The following HES2 variants were observed in gnomAD, a reference collection of about 807,000 sequenced individuals.
The protein encoded by HES2 is transcription factor HES-2.
HES2 carries 11 observed loss-of-function variants against 11.9 expected under a neutral mutation model. The observed-to-expected ratio is 0.92, with a 90% CI of 0.58 to 1.53. The LOEUF is 1.53. Ranked by LOEUF, HES2 falls within the 40% of genes most tolerant of loss-of-function variation. The probability of loss-of-function intolerance (pLI) is 0.00; values close to 1 mark genes in which losing one functional copy is unlikely to be tolerated. For synonymous variants in HES2, 125 were observed against 122.8 expected, an observed-to-expected ratio of 1.02 and a Z score of -0.12; for missense variants, 260 against 253.8, an observed-to-expected ratio of 1.02 and a Z score of -0.16.
chr1:6,417,291 A>G lies in HES2; in HGVS notation c.*1582T>C. 6.6e-6 allele frequency: 1 copy of G among 152,254 alleles called. No homozygotes were observed. The highest frequency in any genetic ancestry group is 2.1e-4 in the South Asian group (1 of 4,830). The allele number at this position is 152,254 out of a possible 1,614,324, so 9.4% of individuals were successfully genotyped here. Reference sequence around the variant, plus strand: ...CAAGGTCATCATGGGCTTGTGTGGCACAGTCAGATTTAGTGACCATCCCCA... The same window carrying G: ...CAAGGTCATCATGGGCTTGTGTGGCGCAGTCAGATTTAGTGACCATCCCCA... On this transcript the variant is annotated 3_prime_UTR_variant, in exon 4 of 4. Transcript: ENST00000377834.
In HES2 at chr1:6,419,609, C is replaced by A. The variant is rs758546402; in HGVS notation, c.139G>T (p.Glu47Ter). Reference sequence around the variant, plus strand: ...GCCCTCCGCCCGGGCGCGCTCACCTCCCGGCCCAGCAGCGGCAGGATGAGC... The same window carrying A: ...GCCCTCCGCCCGGGCGCGCTCACCTACCGGCCCAGCAGCGGCAGGATGAGC... ...KGLILPLLGR[E>*]NSNCSKLEKA... The change falls in exon 2 of 4, where the codon GAG becomes TAG. Residue 47 changes from glutamate (E) to a stop codon, truncating the protein, a stop_gained and splice_region_variant. Transcript: ENST00000377834. LOFTEE classifies it high-confidence loss of function. The surrounding 1 kb of genome is among the most constrained non-coding windows in gnomAD (Gnocchi z 8.1). The A allele has an allele frequency of 2.0e-6, 3 of 1,535,878 alleles. No individual in the cohort carries two copies. The East Asian group carries it at 7.5e-5, about 38-fold the overall frequency.
At position 6,415,517 on chromosome 1, in the gene HES2, C is replaced by T. The variant is rs981953747; in HGVS notation, c.*3356G>A. On this transcript the variant is annotated 3_prime_UTR_variant, in exon 4 of 4. Transcript: ENST00000377834. ...CCCACAGGACACTCAGGATCCCAGA[C>T]TGCAGGAGTCGTCTGGGATCACAGG... The T allele has an allele frequency of 1.3e-5, 2 of 151,838 alleles. No individual in the cohort carries two copies. The highest frequency in any genetic ancestry group is 4.8e-5 in the African/African-American group (2 of 41,314). 9.4% of individuals were successfully genotyped at this position (151,838 alleles called of 1,614,324 possible).
rs1019392004 is a variant in HES2 at position 6,418,607 on chromosome 1, C to T, written c.*266G>A. 5.3e-6 allele frequency: 2 copies of T among 378,932 alleles called. No homozygotes were observed. The highest frequency in any genetic ancestry group is 9.3e-6 in the Non-Finnish European group (2 of 214,536). The allele number at this position is 378,932 out of a possible 1,614,324, so 23.5% of individuals were successfully genotyped here. On this transcript the variant is annotated 3_prime_UTR_variant, in exon 4 of 4. Coordinates refer to ENST00000377834, the MANE Select transcript of HES2 (RefSeq NM_019089.5). ...TATCTCCACCAGCTGGGATGGGGGG[C>T]TTCTTCTTCACCCTGCTGCCTCTTG...
At position 6,418,631 on chromosome 1, in the gene HES2, T is replaced by C. The variant is rs1557684973; in HGVS notation, c.*242A>G. ...GCTTCTTCTTCACCCTGCTGCCTCTTGTCCTTTCTTCTCCAGCCAAGTTGG... is the reference window on the plus strand; with the variant it reads ...GCTTCTTCTTCACCCTGCTGCCTCTCGTCCTTTCTTCTCCAGCCAAGTTGG... On this transcript the variant is annotated 3_prime_UTR_variant, in exon 4 of 4. Coordinates refer to ENST00000377834, the MANE Select transcript of HES2 (RefSeq NM_019089.5). The C allele has an allele frequency of 5.1e-6, 2 of 394,536 alleles. No individual in the cohort carries two copies. 24.4% of individuals were successfully genotyped at this position (394,536 alleles called of 1,614,324 possible).
rs900885746 is a variant in HES2 at position 6,418,961 on chromosome 1, G to C, written c.434C>G (p.Ala145Gly). ...TGCGGGCTCTGGGGCAGACGCGGGC[G>C]CTGGGGCGGGGGCAGACGGGCCACT... ...DSSGPSAPAP[A>G]PASAPEPASA... Residue 145 changes from alanine (A) to glycine (G), a missense_variant, in exon 4 of 4, where the codon GCG becomes GGG. By Grantham distance (60) the Ala-to-Gly change is moderately conservative (BLOSUM62 0). Transcript: ENST00000377834. 8 of 1,340,416 alleles carry C rather than the reference G, an allele frequency of 6.0e-6. No individual in the cohort carries two copies. Among genetic ancestry groups the C allele is most frequent in the Middle Eastern group, 2.8e-4 (1 of 3,616 alleles). The allele number at this position is 1,340,416 out of a possible 1,614,324, so 83.0% of individuals were successfully genotyped here.
Position 6,419,563 on chromosome 1 carries a change from C to A in HES2, c.141+44G>T. On this transcript the variant is annotated intron_variant, in intron 2 of 3. Transcript: ENST00000377834. This position sits in a 1 kb window ranked among gnomAD's most constrained non-coding sequence, Gnocchi z 8.1. The stretch of plus-strand genomic sequence containing the variant: ...GGAGCACCCCGTCCCCCTGCCCCCG[C>A]TCCGCGCCCCAGGACCCTCTGCCCT... 2.7e-6 allele frequency: 4 copies of A among 1,468,416 alleles called. No homozygotes were observed. The highest frequency in any genetic ancestry group is 3.6e-6 in the Non-Finnish European group (4 of 1,101,624). 91.0% of individuals were successfully genotyped at this position (1,468,416 alleles called of 1,614,324 possible).
chr1:6,417,326 T>C lies in HES2; in HGVS notation c.*1547A>G, dbSNP rs1330269961. 2 of 151,144 alleles carry C rather than the reference T, an allele frequency of 1.3e-5. No individual in the cohort carries two copies. The highest frequency in any genetic ancestry group is 3.0e-5 in the Non-Finnish European group (2 of 67,786). The allele number at this position is 151,144 out of a possible 1,614,324, so 9.4% of individuals were successfully genotyped here. A position where few individuals can be genotyped will look rare whatever the true frequency, so the allele number is the denominator to read the frequency against. ...TTAGTGACCATCCCCACTCCCACATTGGTTCTGTCTTCTTGCCCCCGGTGC... is the reference window on the plus strand; with the variant it reads ...TTAGTGACCATCCCCACTCCCACATCGGTTCTGTCTTCTTGCCCCCGGTGC... On this transcript the variant is annotated 3_prime_UTR_variant, in exon 4 of 4. Transcript: ENST00000377834.
chr1:6,415,612 G>A lies in HES2; in HGVS notation c.*3261C>T, dbSNP rs1482301907. The A allele has an allele frequency of 2.6e-5, 4 of 151,974 alleles. No homozygotes were observed. The highest frequency in any genetic ancestry group is 7.3e-5 in the African/African-American group (3 of 41,350). The allele number at this position is 151,974 out of a possible 1,614,324, so 9.4% of individuals were successfully genotyped here. Reference sequence around the variant, plus strand: ...CAGCCCAGTCTTTATCCTCACTCACGTGGAAATGAGATTCGACCTCTCCTA... The same window carrying A: ...CAGCCCAGTCTTTATCCTCACTCACATGGAAATGAGATTCGACCTCTCCTA... On this transcript the variant is annotated 3_prime_UTR_variant, in exon 4 of 4. Coordinates refer to ENST00000377834, the MANE Select transcript of HES2 (RefSeq NM_019089.5).
chr1:6,419,825 C>G lies in HES2; in HGVS notation c.-5G>C. On this transcript the variant is annotated 5_prime_UTR_variant, in exon 1 of 4. Transcript: ENST00000377834. The surrounding 1 kb of genome is among the most constrained non-coding windows in gnomAD (Gnocchi z 8.1). ...TGCCCGGCGAGGCAGCCCCATGCTC[C>G]GCGGGGAAGCGGTGGCAGCTGCGAG... is the stretch of plus-strand genomic sequence containing the variant. 5.8e-6 allele frequency: 9 copies of G among 1,551,258 alleles called. No individual in the cohort carries two copies. The highest frequency in any genetic ancestry group is 7.8e-6 in the Non-Finnish European group (9 of 1,153,652).
At position 6,419,592 on chromosome 1, in the gene HES2, C is replaced by A; in HGVS notation, c.141+15G>T. On this transcript the variant is annotated intron_variant, in intron 2 of 3. Coordinates refer to ENST00000377834, the MANE Select transcript of HES2 (RefSeq NM_019089.5). The surrounding 1 kb of genome is among the most constrained non-coding windows in gnomAD (Gnocchi z 8.1). ...GCGCCCCAGGACCCTCTGCCCTCCG[C>A]CCGGGCGCGCTCACCTCCCGGCCCA... The A allele has an allele frequency of 6.5e-7, 1 of 1,527,434 alleles. No homozygotes were observed. Among genetic ancestry groups the A allele is most frequent in the African/African-American group, 1.4e-5 (1 of 71,162 alleles). 94.6% of individuals were successfully genotyped at this position (1,527,434 alleles called of 1,614,324 possible).
In HES2 at chr1:6,418,967, G is replaced by A. The variant is rs1571372521; in HGVS notation, c.428C>T (p.Ala143Val). 1 of 1,347,432 alleles carries A rather than the reference G, an allele frequency of 7.4e-7. No individual in the cohort carries two copies. The highest frequency in any genetic ancestry group is 9.4e-7 in the Non-Finnish European group (1 of 1,059,086). 83.5% of individuals were successfully genotyped at this position (1,347,432 alleles called of 1,614,324 possible). The change falls in exon 4 of 4, where the codon GCC becomes GTC. Residue 143 changes from alanine to valine, a missense_variant. Physicochemically the swap from Ala to Val is moderately conservative, Grantham distance 64 (BLOSUM62 0). Transcript: ENST00000377834. ...CTCTGGGGCAGACGCGGGCGCTGGG[G>A]CGGGGGCAGACGGGCCACTGGAATC... ...AGDSSGPSAP[A>V]PAPASAPEPA... is the part of the protein sequence containing the mutation.
rs1571371206 is a variant in HES2 at position 6,416,142 on chromosome 1, C to T, written c.*2731G>A. On this transcript the variant is annotated 3_prime_UTR_variant, in exon 4 of 4. Transcript: ENST00000377834. ...TTCCCCAGCTGGGGCAATCATCAGA[C>T]AGTCACATGGAGTCACAGAACCATC... The T allele has an allele frequency of 6.6e-6, 1 of 152,282 alleles. No homozygotes were observed. Among genetic ancestry groups the T allele is most frequent in the East Asian group, 1.9e-4 (1 of 5,196 alleles). The allele number at this position is 152,282 out of a possible 1,614,324, so 9.4% of individuals were successfully genotyped here.
At position 6,416,312 on chromosome 1, in the gene HES2, G is replaced by T. The variant is rs1282519419; in HGVS notation, c.*2561C>A. 6.6e-6 allele frequency: 1 copy of T among 152,290 alleles called. No individual in the cohort carries two copies. Among genetic ancestry groups the T allele is most frequent in the Non-Finnish European group, 1.5e-5 (1 of 68,102 alleles). The allele number at this position is 152,290 out of a possible 1,614,324, so 9.4% of individuals were successfully genotyped here. ...TTTGCCCATCAGATAGGGCTTGGGG[G>T]GCACCTGAGGAGGAGGTGCCTGCCA... On this transcript the variant is annotated 3_prime_UTR_variant, in exon 4 of 4. Transcript: ENST00000377834.
Position 6,419,259 on chromosome 1 carries a change from A to T in HES2, c.223T>A (p.Trp75Arg). 6.2e-7 allele frequency: 1 copy of T among 1,610,150 alleles called. No individual in the cohort carries two copies. Among genetic ancestry groups the T allele is most frequent in the Non-Finnish European group, 8.5e-7 (1 of 1,179,036 alleles). Residue 75 changes from tryptophan to arginine, a missense_variant, in exon 3 of 4, where the codon TGG becomes AGG. Coordinates refer to ENST00000377834, the MANE Select transcript of HES2 (RefSeq NM_019089.5). The surrounding 1 kb of genome is among the most constrained non-coding windows in gnomAD (Gnocchi z 8.1). ...RFLQELPASS[W>R]PTAAPLPCDS... ...CACTCACGGGGCGCTGCCGTGGGCCATGAGGACGCAGGCAGCTCCTGCAGG... is the reference window on the plus strand; with the variant it reads ...CACTCACGGGGCGCTGCCGTGGGCCTTGAGGACGCAGGCAGCTCCTGCAGG...
In HES2 at chr1:6,419,446, C is replaced by T. The variant is rs1459772624; in HGVS notation, c.142-106G>A. The T allele has an allele frequency of 8.3e-7, 1 of 1,206,292 alleles. No individual in the cohort carries two copies. Among genetic ancestry groups the T allele is most frequent in the South Asian group, 1.4e-5 (1 of 70,536 alleles). The allele number at this position is 1,206,292 out of a possible 1,614,324, so 74.7% of individuals were successfully genotyped here. A position where few individuals can be genotyped will look rare whatever the true frequency, so the allele number is the denominator to read the frequency against. ...GTCGGGAGCTGGGTGTGGGGCGCGCCGTGGCCTGCTGGGGGTCCGCTCCGA... is the reference window on the plus strand; with the variant it reads ...GTCGGGAGCTGGGTGTGGGGCGCGCTGTGGCCTGCTGGGGGTCCGCTCCGA... On this transcript the variant is annotated intron_variant, in intron 2 of 3. Coordinates refer to ENST00000377834, the MANE Select transcript of HES2 (RefSeq NM_019089.5). This position sits in a 1 kb window ranked among gnomAD's most constrained non-coding sequence, Gnocchi z 8.1.
At position 6,419,157 on chromosome 1, in the gene HES2, C is replaced by G; in HGVS notation, c.242-4G>C. On this transcript the variant is annotated splice_polypyrimidine_tract_variant and splice_region_variant and intron_variant, in intron 3 of 3. Transcript: ENST00000377834. The surrounding 1 kb of genome is among the most constrained non-coding windows in gnomAD (Gnocchi z 8.1). ...TCGCGGTAGCTGTCGCAAGGCACTG[C>G]GGGCGGAGAGCCGCGTGAGGCGCGG... 1 of 1,545,478 alleles carries G rather than the reference C, an allele frequency of 6.5e-7. No individual in the cohort carries two copies. The highest frequency in any genetic ancestry group is 8.7e-7 in the Non-Finnish European group (1 of 1,153,370).
rs1258342913 is a variant in HES2, at chr1:6,415,611, C to G, written c.*3262G>C. 1.3e-5 allele frequency: 2 copies of G among 152,056 alleles called. No individual in the cohort carries two copies. Among genetic ancestry groups the G allele is most frequent in the Non-Finnish European group, 2.9e-5 (2 of 68,028 alleles). 9.4% of individuals were successfully genotyped at this position (152,056 alleles called of 1,614,324 possible). Reference sequence around the variant, plus strand: ...GCAGCCCAGTCTTTATCCTCACTCACGTGGAAATGAGATTCGACCTCTCCT... The same window carrying G: ...GCAGCCCAGTCTTTATCCTCACTCAGGTGGAAATGAGATTCGACCTCTCCT... On this transcript the variant is annotated 3_prime_UTR_variant, in exon 4 of 4. Coordinates refer to ENST00000377834, the MANE Select transcript of HES2 (RefSeq NM_019089.5).
Position 6,418,945 on chromosome 1 carries a change from TGGGGCAGACGCGGGCGCTGGGGCG to T in HES2, c.426_449del (p.Ala143_Pro150del), listed in dbSNP as rs1255025693. 1.5e-6 allele frequency: 2 copies of T among 1,335,928 alleles called. No individual in the cohort carries two copies. Among genetic ancestry groups the T allele is most frequent in the Non-Finnish European group, 1.9e-6 (2 of 1,052,736 alleles). 82.8% of individuals were successfully genotyped at this position (1,335,928 alleles called of 1,614,324 possible). A position where few individuals can be genotyped will look rare whatever the true frequency, so the allele number is the denominator to read the frequency against. On this transcript the variant is annotated inframe_deletion, in exon 4 of 4. Coordinates refer to ENST00000377834, the MANE Select transcript of HES2 (RefSeq NM_019089.5). ...AGGGCACCGGAGCGGATGCGGGCTC[TGGGGCAGACGCGGGCGCTGGGGCG>T]GGGGCAGACGGGCCACTGGAATCCC...
chr1:6,419,900 C>G lies in HES2; in HGVS notation c.-80G>C, dbSNP rs1023114985. 1.6e-5 allele frequency: 23 copies of G among 1,432,750 alleles called. No individual in the cohort carries two copies. The Admixed American group carries it at 1.7e-4, about 11-fold the overall frequency. The allele number at this position is 1,432,750 out of a possible 1,614,324, so 88.8% of individuals were successfully genotyped here. ...CCGAAATGAGGTCCCGGGCGCGGCC[C>G]GGGCTGGTGCCAGACGAGTGCGCGC... On this transcript the variant is annotated 5_prime_UTR_variant, in exon 1 of 4. Coordinates refer to ENST00000377834, the MANE Select transcript of HES2 (RefSeq NM_019089.5). This position sits in a 1 kb window ranked among gnomAD's most constrained non-coding sequence, Gnocchi z 8.1.
Sources: gnomAD v4.1 joint callset for allele counts on GRCh38, gnomAD v4.1.1 for gene constraint, Gnocchi (gnomAD v3.1) non-coding constraint, MANE v1.5 for transcripts, NCBI Gene and HGNC (gene_info 2026-07-23, HGNC 2026-07-21) for gene names.